The following RECK variants were observed in gnomAD, a reference collection of about 807,000 sequenced individuals.
The protein encoded by RECK is reversion-inducing cysteine-rich protein with Kazal motifs.
A neutral mutation model predicts 115.1 loss-of-function variants in RECK; 69 were observed. The observed-to-expected ratio is 0.60, with a 90% CI of 0.49 to 0.73. RECK has a LOEUF of 0.73. Ranked by LOEUF, RECK falls within the 30% of genes least tolerant of loss-of-function variation. The pLI is 0.00. For synonymous variants in RECK, 414 were observed against 419.7 expected, an observed-to-expected ratio of 0.99 and a Z score of 0.17; for missense variants, 1,047 against 1,203.7, an observed-to-expected ratio of 0.87 and a Z score of 1.93.
intron 9 of RECK, among the ~76,000 whole-genome samples, chr9:36,090,005 A>ACACACAC (rs1267463591): frequency 1.0e-4 from 13 of 129,904 alleles, no homozygotes; most frequent in African/African-American, 4.0e-4. Context: ...CACACACACA[A>ACACACAC]ATTAGCCAGG....
At chr9:36,082,784 ATT>A (rs1186376744) in intron 7 of RECK, among the ~76,000 whole-genome samples, 3 of 152,300 alleles carry the variant, frequency 2.0e-5, no homozygotes, top group Admixed American at 1.3e-4. Context: ...AACTTTTGGG[ATT>A]TTGTTTCAAG....
At chr9:36,065,684 A>T (rs1821967457) in intron 6 of RECK, 60 bp downstream of exon 6, 2 of 1,264,280 alleles carry the variant, frequency 1.6e-6, no homozygotes, top group South Asian at 4.6e-5. Flanking sequence ...AATTAACAAA[A>T]TTACTTAAAT....
At chr9:36,060,287 A>AT in intron 4 of RECK, 132 bp downstream of exon 4, 1 of 876,292 alleles carries the variant, frequency 1.1e-6, no homozygotes, top group Non-Finnish European at 1.8e-6. Flanking sequence ...TCAACACCTA[A>AT]ATTTTTTTTT....
chr9:36,073,469 C>G (rs1822327527), intron 6 of RECK, among the ~76,000 whole-genome samples: 1 of 152,124 alleles, frequency 6.6e-6, no homozygotes, highest in Non-Finnish European at 1.5e-5. Context: ...AAATCAGTCT[C>G]CCTTTCAGAT....
At position 36,118,940 on chromosome 9, in the gene RECK, G is replaced by A. The variant is rs780391702; in HGVS notation, c.2437G>A (p.Ala813Thr). Residue 813 changes from alanine (A) to threonine (T), a missense_variant, in exon 18 of 21, where the codon GCT (alanine) becomes ACT (threonine). Physicochemically the swap from Ala to Thr is moderately conservative, Grantham distance 58. Transcript: ENST00000377966. ...TGTCAAGTGTCCTTCGCTCTTGGCA[G>A]CTGGATGCAAACCCATCATCCCACC... is the stretch of plus-strand genomic sequence containing the variant. ...ASVKCPSLLA[A>T]GCKPIIPPGA... 1.2e-6 allele frequency: 2 copies of A among 1,612,842 alleles called. No homozygotes were observed. The highest frequency in any genetic ancestry group is 8.5e-7 in the Non-Finnish European group (1 of 1,180,014).
intron 1 of RECK, among the ~76,000 whole-genome samples, chr9:36,037,880 C>T (rs1820729787): frequency 6.6e-6 from 1 of 151,482 alleles, no homozygotes; most frequent in African/African-American, 2.4e-5. Context: ...GGACATCGAC[C>T]TAGGATGAGT....
chr9:36,117,235 T>G (rs1410192107), intron 17 of RECK, 58 bp downstream of exon 17: 1 of 1,388,606 alleles, frequency 7.2e-7, no homozygotes, highest in Non-Finnish European at 9.8e-7. Flanking sequence ...GTTTATGATA[T>G]TTTACAGATG....
chr9:36,098,448 C>G (rs1261519303), intron 10 of RECK, among the ~76,000 whole-genome samples: 1 of 152,166 alleles, frequency 6.6e-6, no homozygotes, highest in South Asian at 2.1e-4. Context: ...CCTCCTCACC[C>G]TCACAAGAAT....
At chr9:36,052,712 C>G (rs1171973081) in intron 2 of RECK, among the ~76,000 whole-genome samples, 1 of 151,902 alleles carries the variant, frequency 6.6e-6, no homozygotes, top group Admixed American at 6.6e-5. Context: ...CTCAAAACAT[C>G]AGCGCCTGTA....
intron 1 of RECK, 40 bp downstream of exon 1, chr9:36,037,138 G>C: frequency 8.1e-7 from 1 of 1,227,846 alleles, no homozygotes; most frequent in South Asian, 3.1e-5. Context: ...GCTGTCGGGA[G>C]CGGCCGCCAC....
At chr9:36,077,071 T>C (rs1822479117) in intron 6 of RECK, among the ~76,000 whole-genome samples, 1 of 152,168 alleles carries the variant, frequency 6.6e-6, no homozygotes, top group African/African-American at 2.4e-5. Flanking sequence ...CTTTGCATCT[T>C]TGAGGTTATG....
At chr9:36,052,372 C>T (rs372895159) in intron 2 of RECK, 49 bp downstream of exon 2, 2 of 1,384,428 alleles carry the variant, frequency 1.4e-6, no homozygotes, top group Non-Finnish European at 2.1e-6. Flanking sequence ...GTGGTTCATG[C>T]CTGTAATCCC....
At chr9:36,044,164 TC>T (rs1440194054) in intron 1 of RECK, among the ~76,000 whole-genome samples, 1 of 152,198 alleles carries the variant, frequency 6.6e-6, no homozygotes, top group African/African-American at 2.4e-5. Context: ...TTTGTAGTTT[TC>T]CTTGTAGAAT....
At chr9:36,088,378 C>T (rs1176707426) in intron 9 of RECK, among the ~76,000 whole-genome samples, 1 of 152,042 alleles carries the variant, frequency 6.6e-6, no homozygotes, top group Non-Finnish European at 1.5e-5. Flanking sequence ...GCACTTATAA[C>T]CAGAGTTAGG....
intron 13 of RECK, among the ~76,000 whole-genome samples, chr9:36,107,695 AT>A (rs1322100611): frequency 6.6e-6 from 1 of 152,148 alleles, no homozygotes; most frequent in Non-Finnish European, 1.5e-5. Flanking sequence ...GCCCCTACAA[AT>A]AAAAAGTTAC....
chr9:36,037,873 CATCGACCTAGGATG>C (rs1249474006), intron 1 of RECK, among the ~76,000 whole-genome samples: 1 of 151,842 alleles, frequency 6.6e-6, no homozygotes, highest in Non-Finnish European at 1.5e-5. Context: ...GGAGAGAGGA[CATCGACCTAGGATG>C]AGTGGAAAGT....
chr9:36,063,955 T>G (rs1344056533), intron 5 of RECK, 75 bp downstream of exon 5: 4 of 1,390,214 alleles, frequency 2.9e-6, no homozygotes, highest in East Asian at 2.3e-5. Context: ...TCTTGGGCCT[T>G]GCCCACCTCC....
In RECK at chr9:36,037,101, G is replaced by C. The variant is rs957241947; in HGVS notation, c.100+3G>C. Reference sequence around the variant, plus strand: ...GGGCCTGGCTCCGGGCAGTGCGGGTGAGTAACCTCCAGAGCAACGGTTCGA... The same window carrying C: ...GGGCCTGGCTCCGGGCAGTGCGGGTCAGTAACCTCCAGAGCAACGGTTCGA... On this transcript the variant is annotated splice_donor_region_variant and intron_variant, in intron 1 of 20. Transcript: ENST00000377966. 7.6e-7 allele frequency: 1 copy of C among 1,318,338 alleles called. No individual in the cohort carries two copies. The highest frequency in any genetic ancestry group is 9.7e-7 in the Non-Finnish European group (1 of 1,028,910). The allele number at this position is 1,318,338 out of a possible 1,614,324, so 81.7% of individuals were successfully genotyped here. A position where few individuals can be genotyped will look rare whatever the true frequency, so the allele number is the denominator to read the frequency against.
Position 36,037,067 on chromosome 9 carries a change from G to A in RECK, c.69G>A (p.Glu23=). 7.2e-7 allele frequency: 1 copy of A among 1,387,958 alleles called. No homozygotes were observed. Among genetic ancestry groups the A allele is most frequent in the Non-Finnish European group, 9.4e-7 (1 of 1,065,616 alleles). The allele number at this position is 1,387,958 out of a possible 1,614,324, so 86.0% of individuals were successfully genotyped here. ...TGCTGGCCGTGGCGGGGGTCGCGGA[G>A]GTGGCAGGGGGCCTGGCTCCGGGCA... The part of the protein sequence containing the change: ...LLLLAVAGVA[E]VAGGLAPGSA... The change falls in exon 1 of 21, where the codon GAG becomes GAA. Residue 23 remains glutamate (E), a synonymous_variant. Transcript: ENST00000377966.
Sources: gnomAD v4.1 joint callset for allele counts (sites outside exome capture counted in the v4.1 genomes callset) on GRCh38, gnomAD v4.1.1 for gene constraint, MANE v1.5 for transcripts, NCBI Gene and HGNC (gene_info 2026-07-23, HGNC 2026-07-21) for gene names.